AMDHD1: variants seen among roughly 807,000 people sequenced by gnomAD.
AMDHD1 encodes the protein amidohydrolase domain containing 1.
AMDHD1 carries 45 observed loss-of-function variants against 44.1 expected under a neutral mutation model. The observed-to-expected ratio is 1.02, with a 90% CI of 0.80 to 1.31. AMDHD1 has a LOEUF of 1.31. AMDHD1 is among the 50% of genes most tolerant of loss of function. The pLI, the probability that AMDHD1 is intolerant of heterozygous loss-of-function variation, is 0.00. For synonymous variants in AMDHD1, 206 were observed against 205.0 expected (o/e 1.00, Z -0.04); for missense variants, 586 against 552.1 (o/e 1.06, Z -0.61).
In AMDHD1 at chr12:95,960,638, T is replaced by C. The variant is rs2080576677; in HGVS notation, c.813+15T>C. On this transcript the variant is annotated intron_variant, in intron 5 of 8. Transcript: ENST00000266736. ...AGGCTGCTGAGGTGTGGTTGACTTT[T>C]AGTTTTTCCCTCGTCAACATTCATT... The C allele has an allele frequency of 1.2e-6, 2 of 1,606,378 alleles. No homozygotes were observed. Among genetic ancestry groups the C allele is most frequent in the Non-Finnish European group, 1.7e-6 (2 of 1,174,366 alleles).
chr12:95,943,597 A>G, intron 1 of AMDHD1, 62 bp downstream of exon 1: 2 of 1,387,586 alleles, frequency 1.4e-6, no homozygotes, highest in Non-Finnish European at 1.9e-6. Flanking sequence ...TCTTCCTCTC[A>G]CTGTGCACTC....
chr12:95,948,053 C>T (rs1176071958), intron 1 of AMDHD1, among the ~76,000 whole-genome samples: 4 of 88,496 alleles, frequency 4.5e-5, no homozygotes, highest in South Asian at 4.5e-4. Flanking sequence ...GTCAGCCCTC[C>T]GCCCGGCCAG....
At chr12:95,960,257 GC>G in intron 4 of AMDHD1, 140 bp from the exon 5 acceptor site, 1 of 700,480 alleles carries the variant, frequency 1.4e-6, no homozygotes. Flanking sequence ...CATAGTTGTA[GC>G]TTTGAGTCTT....
At chr12:95,947,612 A>T (rs867801187) in intron 1 of AMDHD1, among the ~76,000 whole-genome samples, 1 of 47,018 alleles carries the variant, frequency 2.1e-5, no homozygotes, top group African/African-American at 1.1e-4. Context: ...CGTGCCGTCC[A>T]GGAGGGAGGT....
At position 95,967,827 on chromosome 12, in the gene AMDHD1, T is replaced by C; in HGVS notation, c.1265T>C (p.Leu422Pro). Residue 422 changes from leucine (L) to proline (P), a missense_variant, in exon 9 of 9, where the codon CTC (leucine) becomes CCC (proline). Transcript: ENST00000266736. ...LIEYVIAKGK[L>P]IYKT ...GAATATGTTATAGCTAAAGGAAAAC[T>C]CATCTATAAAACATGATAGATTTGA... 6.3e-7 allele frequency: 1 copy of C among 1,586,094 alleles called. No individual in the cohort carries two copies. Among genetic ancestry groups the C allele is most frequent in the South Asian group, 1.2e-5 (1 of 86,662 alleles).
At chr12:95,963,688 C>T (rs2080594338) in intron 6 of AMDHD1, among the ~76,000 whole-genome samples, 1 of 152,254 alleles carries the variant, frequency 6.6e-6, no homozygotes, top group Admixed American at 6.5e-5. Flanking sequence ...ATATTTGTCT[C>T]CACCACCCAA....
In AMDHD1 at chr12:95,966,377, C is replaced by T. The variant is rs79312289; in HGVS notation, c.1062C>T (p.Asn354=). 6.2e-7 allele frequency: 1 copy of T among 1,614,232 alleles called. No homozygotes were observed. Among genetic ancestry groups the T allele is most frequent in the South Asian group, 1.1e-5 (1 of 91,088 alleles). ...MPMVMHLACV[N]MRMSMPEALA... is the part of the protein sequence containing the mutation. ...TGGTCATGCATCTGGCCTGTGTAAA[C>T]ATGAGAATGTCCATGCCTGAGGCCT... Residue 354 remains asparagine, a synonymous_variant, in exon 8 of 9, where the codon AAC becomes AAT. Transcript: ENST00000266736.
At chr12:95,952,021 C>T (rs2080527794) in intron 1 of AMDHD1, among the ~76,000 whole-genome samples, 1 of 152,094 alleles carries the variant, frequency 6.6e-6, no homozygotes, top group Admixed American at 6.6e-5. Flanking sequence ...TATTTTCTCC[C>T]ATTCTGTGGG....
intron 1 of AMDHD1, among the ~76,000 whole-genome samples, chr12:95,947,656 C>T (rs1288228267): frequency 1.6e-5 from 1 of 63,694 alleles, no homozygotes; most frequent in Non-Finnish European, 2.8e-5. Context: ...CCAGCCGCCC[C>T]GTCCGGGAGG....
chr12:95,967,862 A>C lies in AMDHD1; in HGVS notation c.*19A>C. ...AACATGATAGATTTGAAAAGAGAAGACTTTTTGACTATATGAAATAAGTCA... is the reference window on the plus strand; with the variant it reads ...AACATGATAGATTTGAAAAGAGAAGCCTTTTTGACTATATGAAATAAGTCA... On this transcript the variant is annotated 3_prime_UTR_variant, in exon 9 of 9. Transcript: ENST00000266736. 6.8e-7 allele frequency: 1 copy of C among 1,471,048 alleles called. No individual in the cohort carries two copies. The highest frequency in any genetic ancestry group is 9.3e-7 in the Non-Finnish European group (1 of 1,076,880). 91.1% of individuals were successfully genotyped at this position (1,471,048 alleles called of 1,614,324 possible).
intron 8 of AMDHD1, among the ~76,000 whole-genome samples, 165 bp from the exon 9 acceptor site, chr12:95,967,591 T>C (rs905671045): frequency 6.6e-6 from 1 of 152,248 alleles, no homozygotes; most frequent in South Asian, 2.1e-4. Context: ...TGATTTACCA[T>C]AGACCAGTTA....
chr12:95,949,365 A>C lies in AMDHD1; in HGVS notation c.138-3352A>C, dbSNP rs1167500987. On this transcript the variant is annotated intron_variant, in intron 1 of 8. Transcript: ENST00000266736. ...TCATCCTCCTTAAATCATCATCATT[A>C]CTGTTTTCATTATAATTATACTTTA... 2.6e-5 allele frequency among the ~76,000 whole-genome samples: 4 copies of C among 152,330 alleles called. No homozygotes were observed. The South Asian group carries it at 6.2e-4, about 24-fold the overall frequency.
rs749969690 is a variant in AMDHD1, at chr12:95,956,924, C to T, written c.549C>T (p.Gly183=). Reference sequence around the variant, plus strand: ...GCGCCCGGCGGGAGCTGGACATCGGCATCTCGGCTACCTACTGCGGGGCTC... The same window carrying T: ...GCGCCCGGCGGGAGCTGGACATCGGTATCTCGGCTACCTACTGCGGGGCTC... ...IERARRELDI[G]ISATYCGAHS... is the part of the protein sequence containing the mutation. The change falls in exon 4 of 9, where the codon GGC becomes GGT. Residue 183 remains glycine (G), a synonymous_variant. Transcript: ENST00000266736. 4 of 1,612,590 alleles carry T rather than the reference C, an allele frequency of 2.5e-6. No individual in the cohort carries two copies. The highest frequency in any genetic ancestry group is 3.4e-6 in the Non-Finnish European group (4 of 1,179,942).
In AMDHD1 at chr12:95,962,422, C is replaced by T. The variant is rs776564650; in HGVS notation, c.881C>T (p.Ala294Val). 6.2e-7 allele frequency: 1 copy of T among 1,614,018 alleles called. No homozygotes were observed. Among genetic ancestry groups the T allele is most frequent in the Non-Finnish European group, 8.5e-7 (1 of 1,179,956 alleles). Residue 294 changes from alanine (A) to valine (V), a missense_variant, in exon 6 of 9, where the codon GCC becomes GTC. Ala to Val is a moderately conservative substitution (Grantham distance 64). Transcript: ENST00000266736. The stretch of plus-strand genomic sequence containing the variant: ...GAAGTGAGTGATGAAGGCATCGTTG[C>T]CATGGCAACGGCCAGGTGCTCTGCC... ...LEEVSDEGIV[A>V]MATARCSAIL... is the part of the protein sequence containing the mutation.
chr12:95,950,447 A>G (rs997645737), intron 1 of AMDHD1, among the ~76,000 whole-genome samples: 1 of 152,196 alleles, frequency 6.6e-6, no homozygotes, highest in Non-Finnish European at 1.5e-5. Context: ...TTCACAACAC[A>G]TTCCAGCTCT....
intron 6 of AMDHD1, 66 bp from the exon 7 acceptor site, chr12:95,965,620 G>C (rs975239563): frequency 3.7e-6 from 4 of 1,083,892 alleles, no homozygotes; most frequent in African/African-American, 3.2e-5. Flanking sequence ...GTTCTCTTCT[G>C]TTCTGAACAG....
chr12:95,954,927 C>T lies in AMDHD1; in HGVS notation c.261C>T (p.His87=). 6.2e-7 allele frequency: 1 copy of T among 1,614,080 alleles called. No homozygotes were observed. Among genetic ancestry groups the T allele is most frequent in the Non-Finnish European group, 8.5e-7 (1 of 1,179,950 alleles). Residue 87 remains histidine, a synonymous_variant, in exon 3 of 9, where the codon CAC becomes CAT. Coordinates refer to ENST00000266736, the MANE Select transcript of AMDHD1 (RefSeq NM_152435.3). ...TGATTATAGGTTTGGTGGATGCACA[C>T]ACACATCCAGTATGGGCTGGTGAAA... ...KCILPGLVDA[H]THPVWAGERV... is the part of the protein sequence containing the mutation.
chr12:95,962,097 C>A (rs1312296794), intron 5 of AMDHD1, among the ~76,000 whole-genome samples: 1 of 152,188 alleles, frequency 6.6e-6, no homozygotes, highest in Non-Finnish European at 1.5e-5. Flanking sequence ...GAAACCCCAT[C>A]TCTACTAAAA....
At position 95,967,979 on chromosome 12, in the gene AMDHD1, C is replaced by T. The variant is rs1565980353; in HGVS notation, c.*136C>T. 3.3e-6 allele frequency: 2 copies of T among 601,722 alleles called. No individual in the cohort carries two copies. The highest frequency in any genetic ancestry group is 3.2e-5 in the East Asian group (1 of 30,780). The allele number at this position is 601,722 out of a possible 1,614,324, so 37.3% of individuals were successfully genotyped here. A position where few individuals can be genotyped will look rare whatever the true frequency, so the allele number is the denominator to read the frequency against. ...TACTTCAATGTCTTTTTAAGTCACT[C>T]AAAAAACCCAAGGGATAGATTTATT... On this transcript the variant is annotated 3_prime_UTR_variant, in exon 9 of 9. Coordinates refer to ENST00000266736, the MANE Select transcript of AMDHD1 (RefSeq NM_152435.3).
Sources: gnomAD v4.1 joint callset for allele counts (sites outside exome capture counted in the v4.1 genomes callset) on GRCh38, gnomAD v4.1.1 for gene constraint, MANE v1.5 for transcripts, NCBI Gene and HGNC (gene_info 2026-07-23, HGNC 2026-07-21) for gene names.